ZFAND3: variants seen among roughly 807,000 people sequenced by gnomAD.
ZFAND3 encodes the protein zinc finger AN1-type containing 3.
A neutral mutation model predicts 29.6 loss-of-function variants in ZFAND3; 10 were observed. The ratio of observed to expected loss-of-function variants is 0.34; its 90% CI spans 0.21 to 0.57. The LOEUF (loss-of-function observed/expected upper bound fraction) is 0.57, where lower values mean the gene tolerates loss of function less well. ZFAND3 is among the 20% of genes least tolerant of loss of function. The pLI is 0.86. For synonymous variants in ZFAND3, 128 were observed against 112.6 expected, an observed-to-expected ratio of 1.14 and a Z score of -0.87; for missense variants, 230 against 304.5, an observed-to-expected ratio of 0.76 and a Z score of 1.82.
intron 4 of ZFAND3, among the ~76,000 whole-genome samples, chr6:38,090,400 T>G (rs1764841828): frequency 6.6e-6 from 1 of 152,220 alleles, no homozygotes; most frequent in Non-Finnish European, 1.5e-5. Flanking sequence ...AAATCTGTCA[T>G]GGCAAGGAAA....
At position 37,884,307 on chromosome 6, in the gene ZFAND3, A is replaced by C. The variant is rs1172213413; in HGVS notation, c.72-45652A>C. ...TCGAGAGTTTGAGACCAGCCTGGCCAACACAGAGAAACCTTATCTTTACTA... is the reference window on the plus strand; with the variant it reads ...TCGAGAGTTTGAGACCAGCCTGGCCCACACAGAGAAACCTTATCTTTACTA... On this transcript the variant is annotated intron_variant, in intron 1 of 5. Coordinates refer to ENST00000287218, the MANE Select transcript of ZFAND3 (RefSeq NM_021943.3). Among the ~76,000 whole-genome samples the C allele has an allele frequency of 1.4e-5, 2 of 143,692 alleles. 1 individual carries two copies. The highest frequency in any genetic ancestry group is 3.0e-5 in the Non-Finnish European group (2 of 67,182). 94.3% of individuals were successfully genotyped at this position (143,692 alleles called of 152,430 possible).
At chr6:38,026,499 C>G (rs1459822868) in intron 2 of ZFAND3, among the ~76,000 whole-genome samples, 3 of 124,334 alleles carry the variant, frequency 2.4e-5, no homozygotes, top group African/African-American at 9.2e-5. Flanking sequence ...GGCAGGATTT[C>G]AGCTCACTGC....
At chr6:38,020,242 G>A (rs62396973) in intron 2 of ZFAND3, among the ~76,000 whole-genome samples, 5,892 of 152,188 alleles carry the variant, frequency 0.039, 190 homozygotes, top group Non-Finnish European at 0.049. Context: ...GGAAGATAAT[G>A]TATATATTAA....
At chr6:37,898,008 T>G (rs897096423) in intron 1 of ZFAND3, among the ~76,000 whole-genome samples, 2 of 152,218 alleles carry the variant, frequency 1.3e-5, no homozygotes, top group African/African-American at 4.8e-5. Context: ...TTTTATTCCC[T>G]TAGTGTTATC....
chr6:38,062,469 ACCTCCTGGG>A (rs1229138316), intron 3 of ZFAND3: 1 of 150,614 alleles, frequency 6.6e-6, no homozygotes, highest in African/African-American at 2.5e-5. Flanking sequence ...TGCAACCTCT[ACCTCCTGGG>A]TTCAAGTGAT....
chr6:37,963,315 A>G (rs1010829922), intron 2 of ZFAND3, among the ~76,000 whole-genome samples: 1 of 152,206 alleles, frequency 6.6e-6, no homozygotes, highest in Non-Finnish European at 1.5e-5. Flanking sequence ...TGGAAACACA[A>G]CATACCCAAA....
intron 1 of ZFAND3, among the ~76,000 whole-genome samples, chr6:37,909,436 T>A (rs1004582140): frequency 3.3e-5 from 5 of 151,656 alleles, no homozygotes; most frequent in Non-Finnish European, 7.4e-5. Context: ...TGCGCCACCA[T>A]GCCCAGCTAA....
chr6:37,956,537 CTT>C (rs1332770057), intron 2 of ZFAND3, among the ~76,000 whole-genome samples: 25 of 152,186 alleles, frequency 1.6e-4, no homozygotes, highest in Non-Finnish European at 3.1e-4. Flanking sequence ...AGGATTTCAA[CTT>C]TGGGTAACAA....
At chr6:37,968,411 T>C (rs1457542305) in intron 2 of ZFAND3, among the ~76,000 whole-genome samples, 1 of 151,220 alleles carries the variant, frequency 6.6e-6, no homozygotes, top group African/African-American at 2.4e-5. Context: ...AGACCCCTCC[T>C]TGGAAGGGTG....
At chr6:37,862,957 A>G (rs1354840780) in intron 1 of ZFAND3, among the ~76,000 whole-genome samples, 3 of 150,092 alleles carry the variant, frequency 2.0e-5, no homozygotes, top group African/African-American at 4.9e-5. Flanking sequence ...AAAATCCCCT[A>G]TTTCTTATTT....
intron 2 of ZFAND3, among the ~76,000 whole-genome samples, chr6:38,058,832 G>T (rs1316790312): frequency 1.3e-5 from 2 of 152,130 alleles, no homozygotes; most frequent in Non-Finnish European, 2.9e-5. Context: ...CCTTGTTAGG[G>T]TTTTCCTGAT....
At chr6:38,129,467 AAG>A (rs1765701908) in intron 5 of ZFAND3, among the ~76,000 whole-genome samples, 1 of 152,220 alleles carries the variant, frequency 6.6e-6, no homozygotes, top group Non-Finnish European at 1.5e-5. Context: ...TCTTAGATTT[AAG>A]TCTTTAACCC....
At chr6:38,053,987 A>G (rs1355434785) in intron 2 of ZFAND3, among the ~76,000 whole-genome samples, 2 of 152,054 alleles carry the variant, frequency 1.3e-5, no homozygotes, top group Non-Finnish European at 2.9e-5. Flanking sequence ...ATTCATGGAC[A>G]TAAATAGGGA....
intron 4 of ZFAND3, among the ~76,000 whole-genome samples, chr6:38,083,644 CCTTCCAAT>C (rs141923995): frequency 0.012 from 1,859 of 152,204 alleles, 16 homozygotes; most frequent in Middle Eastern, 0.041. Flanking sequence ...TTTTGTTTTT[CCTTCCAAT>C]CTTGGCCCTC....
chr6:37,961,361 A>T (rs923896238), intron 2 of ZFAND3, among the ~76,000 whole-genome samples: 3 of 152,212 alleles, frequency 2.0e-5, no homozygotes, highest in African/African-American at 7.2e-5. Context: ...GTGGACATCT[A>T]AGGTTTTTGA....
chr6:38,142,709 G>C (rs1765988645), intron 5 of ZFAND3, among the ~76,000 whole-genome samples: 3 of 151,792 alleles, frequency 2.0e-5, no homozygotes, highest in African/African-American at 7.3e-5. Flanking sequence ...GAGGTGGAGG[G>C]GCCCGCCAGC....
At chr6:37,875,598 A>G (rs1008571229) in intron 1 of ZFAND3, among the ~76,000 whole-genome samples, 4 of 151,524 alleles carry the variant, frequency 2.6e-5, no homozygotes, top group Non-Finnish European at 5.9e-5. Context: ...TGTCATCTAT[A>G]TATTAGTTCT....
Position 38,098,856 on chromosome 6 carries a change from G to A in ZFAND3, c.361+16399G>A, listed in dbSNP as rs57606335. On this transcript the variant is annotated intron_variant, in intron 4 of 5. Transcript: ENST00000287218. The stretch of plus-strand genomic sequence containing the variant: ...ACTTAACATTGTTAATTGGTTCTTG[G>A]AAACTTTGTCTTCAATACATATATA... 1.5e-3 allele frequency among the ~76,000 whole-genome samples: 233 copies of A among 152,062 alleles called. 1 individual carries two copies. Among genetic ancestry groups the A allele is most frequent in the African/African-American group, 4.7e-3 (195 of 41,472 alleles).
chr6:37,867,204 A>C (rs1764605156), intron 1 of ZFAND3, among the ~76,000 whole-genome samples: 1 of 152,230 alleles, frequency 6.6e-6, no homozygotes, highest in South Asian at 2.1e-4. Context: ...TTTAAAGTGA[A>C]GTGCATGTTG....
Sources: gnomAD v4.1 joint callset for allele counts (sites outside exome capture counted in the v4.1 genomes callset) on GRCh38, gnomAD v4.1.1 for gene constraint, MANE v1.5 for transcripts, NCBI Gene and HGNC (gene_info 2026-07-23, HGNC 2026-07-21) for gene names.